USP49: variants seen among roughly 807,000 people sequenced by gnomAD.
The protein encoded by USP49 is ubiquitin specific peptidase 49.
USP49 carries 24 observed loss-of-function variants against 58.6 expected under a neutral mutation model. The observed-to-expected ratio is 0.41, with a 90% CI of 0.30 to 0.58. USP49 has a LOEUF of 0.58. Ranked by LOEUF, USP49 falls within the 20% of genes least tolerant of loss-of-function variation. The pLI, the probability that USP49 is intolerant of heterozygous loss-of-function variation, is 0.30. For synonymous variants in USP49, 408 were observed against 365.1 expected (o/e 1.12, Z -1.34); for missense variants, 703 against 866.1 (o/e 0.81, Z 2.36).
At chr6:41,817,099 C>T (rs1034759428) in intron 3 of USP49, among the ~76,000 whole-genome samples, 6 of 150,410 alleles carry the variant, frequency 4.0e-5, no homozygotes, top group South Asian at 2.1e-4. Context: ...CTCAGCTCCC[C>T]GAGTAGCTGG....
intron 3 of USP49, among the ~76,000 whole-genome samples, chr6:41,849,515 T>C (rs921801484): frequency 5.9e-5 from 9 of 152,094 alleles, no homozygotes; most frequent in Non-Finnish European, 1.2e-4. Context: ...CAAGTGCACA[T>C]GGAACATCTC....
chr6:41,808,947 T>C (rs1773194210), intron 3 of USP49, among the ~76,000 whole-genome samples: 1 of 151,964 alleles, frequency 6.6e-6, no homozygotes, highest in Admixed American at 6.6e-5. Context: ...AGAGGGTCTC[T>C]CTGTCACCCA....
intron 2 of USP49, among the ~76,000 whole-genome samples, chr6:41,886,954 A>G (rs1311145229): frequency 6.6e-6 from 1 of 152,238 alleles, no homozygotes; most frequent in Admixed American, 6.5e-5. Context: ...ATTTTCAACT[A>G]CAATGTATAT....
chr6:41,833,039 CAG>C (rs1359157718), intron 3 of USP49: 2 of 142,996 alleles, frequency 1.4e-5, no homozygotes, highest in African/African-American at 2.6e-5. Context: ...TTTTTTGAGA[CAG>C]AGTCTCGCAT....
chr6:41,817,647 G>A (rs189658735), intron 3 of USP49, among the ~76,000 whole-genome samples: 5 of 151,256 alleles, frequency 3.3e-5, no homozygotes, highest in East Asian at 2.0e-4. Context: ...ATGGAATCTC[G>A]CTGTGTCATC....
intron 3 of USP49, among the ~76,000 whole-genome samples, chr6:41,830,957 A>G (rs1383234017): frequency 1.3e-5 from 2 of 152,188 alleles, no homozygotes; most frequent in African/African-American, 2.4e-5. Context: ...CATTGTCACT[A>G]TAAAAGGTAG....
At chr6:41,889,920 T>C (rs1050381480) in intron 2 of USP49, among the ~76,000 whole-genome samples, 27 of 152,328 alleles carry the variant, frequency 1.8e-4, no homozygotes, top group Admixed American at 1.4e-3. Context: ...ATTTCTTGTA[T>C]CATTTTTGCA....
intron 3 of USP49, among the ~76,000 whole-genome samples, chr6:41,831,384 C>T (rs1040814090): frequency 6.6e-6 from 1 of 150,638 alleles, no homozygotes; most frequent in Non-Finnish European, 1.5e-5. Flanking sequence ...AGCGAGACTC[C>T]ATCTCAAAAC....
chr6:41,865,289 C>T (rs1422277383), intron 3 of USP49, among the ~76,000 whole-genome samples: 1 of 152,152 alleles, frequency 6.6e-6, no homozygotes, highest in African/African-American at 2.4e-5. Flanking sequence ...AGGTGATCCA[C>T]CCAACTTGGC....
At chr6:41,832,524 C>T (rs1773651642) in intron 3 of USP49, among the ~76,000 whole-genome samples, 1 of 152,140 alleles carries the variant, frequency 6.6e-6, no homozygotes, top group South Asian at 2.1e-4. Flanking sequence ...AGAGAAAAAA[C>T]AAGCACGGTA....
At chr6:41,835,168 A>G (rs1046132956) in intron 3 of USP49, among the ~76,000 whole-genome samples, 1 of 152,214 alleles carries the variant, frequency 6.6e-6, no homozygotes, top group African/African-American at 2.4e-5. Context: ...TTTGCTTGGT[A>G]TATCCCAGAG....
At chr6:41,865,762 C>T (rs1406181660) in intron 3 of USP49, among the ~76,000 whole-genome samples, 2 of 149,108 alleles carry the variant, frequency 1.3e-5, no homozygotes, top group Non-Finnish European at 3.0e-5. Flanking sequence ...CCTCAGCTTC[C>T]TGAGTAGCTA....
intron 3 of USP49, among the ~76,000 whole-genome samples, chr6:41,827,329 G>GT (rs2098672012): frequency 6.6e-6 from 1 of 152,064 alleles, no homozygotes. Flanking sequence ...ATTTTCAGAG[G>GT]TAGGTTACTC....
At chr6:41,826,408 A>G (rs1162802052) in intron 3 of USP49, among the ~76,000 whole-genome samples, 1 of 152,234 alleles carries the variant, frequency 6.6e-6, no homozygotes, top group Non-Finnish European at 1.5e-5. Context: ...TAGATCTCTA[A>G]GGGACCATTT....
At position 41,805,917 on chromosome 6, in the gene USP49, G is replaced by A. The variant is rs1163386220; in HGVS notation, c.1067C>T (p.Ser356Phe). The change falls in exon 4 of 8, where the codon TCC becomes TTC. Residue 356 changes from serine to phenylalanine, a missense_variant. Ser to Phe is a radical substitution (Grantham distance 155, BLOSUM62 -2). This residue lies in a region of USP49 where 66 missense variants were observed against 116.0 expected (regional missense o/e 0.57). Coordinates refer to ENST00000682992, the MANE Select transcript of USP49 (RefSeq NM_001286554.2). ...GAGGGTGTGCAGTTCACGGCAGAGG[G>A]AAATGTGCTTTGAACTCGGCTCCTT... Reference protein sequence around the residue: ...QNKEPSSKHISLCRELHTLFR... With the variant: ...QNKEPSSKHIFLCRELHTLFR... 2 of 1,613,880 alleles carry A rather than the reference G, an allele frequency of 1.2e-6. No homozygotes were observed. Among genetic ancestry groups the A allele is most frequent in the African/African-American group, 2.7e-5 (2 of 74,926 alleles).
At chr6:41,880,355 G>A (rs974168540) in intron 2 of USP49, among the ~76,000 whole-genome samples, 1 of 152,060 alleles carries the variant, frequency 6.6e-6, no homozygotes, top group Non-Finnish European at 1.5e-5. Flanking sequence ...TGGGGGCAAG[G>A]AGGAAAAGGA....
At position 41,791,024 on chromosome 6, in the gene USP49, TC is replaced by T. The variant is rs1772788867; in HGVS notation, c.*5508del. On this transcript the variant is annotated 3_prime_UTR_variant, in exon 8 of 8. Coordinates refer to ENST00000682992, the MANE Select transcript of USP49 (RefSeq NM_001286554.2). ...TGCTAAGACAAGAAATACCAGCACCTCCTGTTCTTTATAGGAATGAAACTTA... is the reference window on the plus strand; with the variant it reads ...TGCTAAGACAAGAAATACCAGCACCTCTGTTCTTTATAGGAATGAAACTTA... The T allele has an allele frequency of 6.6e-6, 1 of 152,144 alleles. No individual in the cohort carries two copies. Among genetic ancestry groups the T allele is most frequent in the African/African-American group, 2.4e-5 (1 of 41,446 alleles). The allele number at this position is 152,144 out of a possible 1,614,324, so 9.4% of individuals were successfully genotyped here.
intron 3 of USP49, among the ~76,000 whole-genome samples, chr6:41,838,489 T>G (rs1773765198): frequency 6.6e-6 from 1 of 152,152 alleles, no homozygotes; most frequent in Admixed American, 6.6e-5. Flanking sequence ...GCCTGGTAGC[T>G]CCACTGGGTA....
chr6:41,875,673 G>A lies in USP49; in HGVS notation c.-102-4036C>T, dbSNP rs140215898. ...ATTTTACTATCAGCAAGGCCTTGAT[G>A]GACTTAAGTGTTTTCCTTGACCCAG... On this transcript the variant is annotated intron_variant, in intron 2 of 7. Transcript: ENST00000682992. 5.8e-4 allele frequency among the ~76,000 whole-genome samples: 88 copies of A among 152,212 alleles called. No homozygotes were observed. In the East Asian group the frequency reaches 0.015, roughly 26 times the overall value.
Sources: allele counts gnomAD v4.1 joint callset (sites outside exome capture counted in the v4.1 genomes callset), GRCh38; gene constraint gnomAD v4.1.1; regional missense constraint gnomAD v4.1.1; transcripts MANE v1.5; gene names NCBI Gene and HGNC (gene_info 2026-07-23, HGNC 2026-07-21).